The following SSBP2 variants were observed in gnomAD, a reference collection of about 807,000 sequenced individuals.
SSBP2 encodes the protein single stranded DNA binding protein 2.
SSBP2 carries 17 observed loss-of-function variants against 61.8 expected under a neutral mutation model. That is an observed-to-expected ratio of 0.28 (90% CI 0.19 to 0.41). The LOEUF is 0.41. Among genes scored for constraint, SSBP2 ranks in the 10% least tolerant of loss-of-function variants. The pLI, the probability that SSBP2 is intolerant of heterozygous loss-of-function variation, is 1.00. For synonymous variants in SSBP2, 139 were observed against 141.3 expected (o/e 0.98, Z 0.12); for missense variants, 310 against 458.7 (o/e 0.68, Z 2.96).
At chr5:81,601,704 T>C (rs1744378777) in intron 4 of SSBP2, among the ~76,000 whole-genome samples, 1 of 152,160 alleles carries the variant, frequency 6.6e-6, no homozygotes, top group African/African-American at 2.4e-5. Flanking sequence ...ATATAAAATA[T>C]ACTCACCCCC....
At chr5:81,581,632 C>T (rs1774655381) in intron 4 of SSBP2, among the ~76,000 whole-genome samples, 1 of 152,062 alleles carries the variant, frequency 6.6e-6, no homozygotes, top group Non-Finnish European at 1.5e-5. Context: ...AAGCATAGTA[C>T]AATGATTAAA....
chr5:81,730,439 G>A (rs904709495), intron 1 of SSBP2, among the ~76,000 whole-genome samples: 2 of 152,084 alleles, frequency 1.3e-5, no homozygotes, highest in Non-Finnish European at 2.9e-5. Flanking sequence ...TGGCCAGGCT[G>A]GTCTCGAGCT....
chr5:81,462,945 T>C (rs890669910), intron 9 of SSBP2, among the ~76,000 whole-genome samples: 3 of 152,078 alleles, frequency 2.0e-5, no homozygotes, highest in African/African-American at 2.4e-5. Context: ...AAACTATTTT[T>C]ATTTTCAAAT....
intron 5 of SSBP2, among the ~76,000 whole-genome samples, chr5:81,493,571 T>C (rs578057247): frequency 2.0e-5 from 3 of 152,182 alleles, no homozygotes; most frequent in Admixed American, 6.5e-5. Context: ...CTGGCCAACA[T>C]AGTGAAACCC....
intron 4 of SSBP2, among the ~76,000 whole-genome samples, chr5:81,568,102 C>T (rs1473557533): frequency 2.0e-5 from 3 of 152,078 alleles, no homozygotes; most frequent in South Asian, 4.2e-4. Context: ...AGGCATAATT[C>T]GTTTTGAAAT....
At chr5:81,558,576 T>C (rs7702047) in intron 4 of SSBP2, among the ~76,000 whole-genome samples, 71,162 of 152,176 alleles carry the variant, frequency 0.47, 21,220 homozygotes, top group African/African-American at 0.86. Flanking sequence ...ATGTCTAAAC[T>C]AAAGTTGTGT....
chr5:81,696,764 T>G (rs550069571), intron 1 of SSBP2, among the ~76,000 whole-genome samples: 1 of 152,304 alleles, frequency 6.6e-6, no homozygotes, highest in East Asian at 1.9e-4. Context: ...GGGGGCAGCA[T>G]ATAGAGTGAT....
chr5:81,667,132 C>T (rs1751202095), intron 1 of SSBP2, among the ~76,000 whole-genome samples: 1 of 152,152 alleles, frequency 6.6e-6, no homozygotes, highest in Non-Finnish European at 1.5e-5. Context: ...TATCATCATC[C>T]TAGCTTTTTG....
At position 81,618,025 on chromosome 5, in the gene SSBP2, T is replaced by G. The variant is rs866204281; in HGVS notation, c.198-2468A>C. On this transcript the variant is annotated intron_variant, in intron 3 of 16. Coordinates refer to ENST00000320672, the MANE Select transcript of SSBP2 (RefSeq NM_012446.5). ...GCCAAAATGTAAAGACCATCGAGAC[T>G]AGGAAGAAACCGCATCAACCAATGA... Among the ~76,000 whole-genome samples, 92 of 121,706 alleles carry G rather than the reference T, an allele frequency of 7.6e-4. 15 individuals carry two copies. In the Middle Eastern group the frequency reaches 0.012, roughly 16 times the overall value. The allele number at this position is 121,706 out of a possible 152,430, so 79.8% of individuals were successfully genotyped here. A position where few individuals can be genotyped will look rare whatever the true frequency, so the allele number is the denominator to read the frequency against.
intron 1 of SSBP2, among the ~76,000 whole-genome samples, chr5:81,721,432 A>G (rs1755536534): frequency 6.6e-6 from 1 of 152,148 alleles, no homozygotes; most frequent in African/African-American, 2.4e-5. Context: ...AAGCTCATGA[A>G]CCAGTTCACA....
intron 5 of SSBP2, among the ~76,000 whole-genome samples, chr5:81,501,394 G>A (rs1333827630): frequency 6.7e-6 from 1 of 148,758 alleles, no homozygotes; most frequent in Non-Finnish European, 1.5e-5. Flanking sequence ...TGTGATGTCA[G>A]AGAGTATTTG....
intron 2 of SSBP2, among the ~76,000 whole-genome samples, chr5:81,648,549 T>C (rs755563318): frequency 2.0e-5 from 3 of 152,072 alleles, no homozygotes; most frequent in Non-Finnish European, 4.4e-5. Context: ...CAGGGAACTA[T>C]TGGCAATGAG....
chr5:81,733,310 TAAAC>T (rs1756385908), intron 1 of SSBP2, among the ~76,000 whole-genome samples: 1 of 151,722 alleles, frequency 6.6e-6, no homozygotes, highest in South Asian at 2.1e-4. Flanking sequence ...CATACAGTAA[TAAAC>T]AAATATAGAG....
chr5:81,601,141 G>C (rs1744324752), intron 4 of SSBP2, among the ~76,000 whole-genome samples: 2 of 152,146 alleles, frequency 1.3e-5, no homozygotes, highest in Non-Finnish European at 1.5e-5. Flanking sequence ...ATTTGGAAAA[G>C]TCAACCATTA....
chr5:81,712,968 T>C (rs1469096309), intron 1 of SSBP2, among the ~76,000 whole-genome samples: 1 of 151,910 alleles, frequency 6.6e-6, no homozygotes, highest in Non-Finnish European at 1.5e-5. Flanking sequence ...GCTCAAGCAA[T>C]CCACCCACCT....
chr5:81,611,744 T>A (rs182058249), intron 4 of SSBP2, among the ~76,000 whole-genome samples: 125 of 152,156 alleles, frequency 8.2e-4, no homozygotes, highest in Middle Eastern at 3.4e-3. Context: ...TTAAAATACA[T>A]ACTTTGAAAA....
intron 10 of SSBP2, among the ~76,000 whole-genome samples, chr5:81,460,078 C>G (rs1764433060): frequency 6.6e-6 from 1 of 152,184 alleles, no homozygotes; most frequent in African/African-American, 2.4e-5. Flanking sequence ...GAAAGTGATT[C>G]CTGCTTCAAA....
At chr5:81,747,235 T>C (rs1757417221) in intron 1 of SSBP2, among the ~76,000 whole-genome samples, 3 of 152,184 alleles carry the variant, frequency 2.0e-5, no homozygotes, top group South Asian at 2.1e-4. Flanking sequence ...CCTACCCTAG[T>C]TCAGGAAGAC....
chr5:81,670,909 T>C (rs992397418), intron 1 of SSBP2, among the ~76,000 whole-genome samples: 2 of 152,228 alleles, frequency 1.3e-5, no homozygotes, highest in South Asian at 4.1e-4. Flanking sequence ...ATCAGTCATA[T>C]TTAAGTATGC....
Sources: gnomAD v4.1 joint callset for allele counts (sites outside exome capture counted in the v4.1 genomes callset) on GRCh38, gnomAD v4.1.1 for gene constraint, MANE v1.5 for transcripts, NCBI Gene and HGNC (gene_info 2026-07-23, HGNC 2026-07-21) for gene names.